The following RANBP2 variants were observed in gnomAD, a reference collection of about 807,000 sequenced individuals.
The protein encoded by RANBP2 is E3 SUMO-protein ligase RanBP2.
Under a neutral mutation model 303.6 loss-of-function variants are expected in RANBP2, and 57 were observed. The observed-to-expected ratio is 0.19, with a 90% CI of 0.15 to 0.23. The LOEUF (loss-of-function observed/expected upper bound fraction) is 0.23, where lower values mean the gene tolerates loss of function less well. Ranked by LOEUF, RANBP2 falls within the 10% of genes least tolerant of loss-of-function variation. The pLI is 1.00. For synonymous variants in RANBP2, 1,167 were observed against 1,301.5 expected (o/e 0.90, Z 2.23); for missense variants, 3,138 against 3,780.8 (o/e 0.83, Z 4.46).
intron 26 of RANBP2, 78 bp downstream of exon 26, chr2:108,781,507 G>T (rs1411690193): frequency 1.4e-6 from 2 of 1,390,568 alleles, no homozygotes; most frequent in Non-Finnish European, 2.0e-6. Context: ...ATCTGTCAGG[G>T]TATAATTGTT....
At chr2:109,078,299 T>G in the RANBP2 span, among the ~76,000 whole-genome samples, 1 of 115,976 alleles carries the variant, frequency 8.6e-6, no homozygotes, top group African/African-American at 3.1e-5. Context: ...TATATATATA[T>G]AGCGTGTATA....
chr2:109,475,344 C>T, the RANBP2 span, among the ~76,000 whole-genome samples: 2 of 152,236 alleles, frequency 1.3e-5, no homozygotes, highest in Non-Finnish European at 2.9e-5. Context: ...CTTCATTTCT[C>T]CACCTCCTCA....
the RANBP2 span, among the ~76,000 whole-genome samples, chr2:108,887,797 G>A: frequency 3.3e-5 from 5 of 152,054 alleles, no homozygotes; most frequent in African/African-American, 9.6e-5. Flanking sequence ...TAGATACAAG[G>A]CCATAGCATC....
chr2:108,815,590 C>T, the RANBP2 span, among the ~76,000 whole-genome samples: 10 of 150,894 alleles, frequency 6.6e-5, no homozygotes, highest in African/African-American at 2.2e-4. Context: ...CTCAGCCTTC[C>T]GAGTAGCTGG....
the RANBP2 span, chr2:108,895,605 A>C: frequency 6.6e-6 from 1 of 152,220 alleles, no homozygotes; most frequent in African/African-American, 2.4e-5. Flanking sequence ...TCCATAGAGC[A>C]CCTCAAAGGC....
At chr2:109,530,622 G>C in the RANBP2 span, among the ~76,000 whole-genome samples, 3 of 152,244 alleles carry the variant, frequency 2.0e-5, no homozygotes, top group African/African-American at 7.2e-5. Context: ...GAAGAAACCA[G>C]CTGAGAGAGC....
the RANBP2 span, among the ~76,000 whole-genome samples, chr2:109,062,591 G>A: frequency 7.9e-3 from 1,203 of 152,224 alleles, 14 homozygotes; most frequent in African/African-American, 0.027. Context: ...TGTCCCCAAA[G>A]CCCCTATTCA....
the RANBP2 span, among the ~76,000 whole-genome samples, chr2:109,420,775 T>C: frequency 1.3e-5 from 2 of 152,096 alleles, no homozygotes; most frequent in African/African-American, 2.4e-5. Flanking sequence ...AAAAAAGTAT[T>C]TTGAAGAGCA....
the RANBP2 span, among the ~76,000 whole-genome samples, chr2:109,661,783 G>A: frequency 6.6e-6 from 1 of 152,168 alleles, no homozygotes; most frequent in Non-Finnish European, 1.5e-5. Flanking sequence ...AGGTAAACCT[G>A]TTCAAAGTCT....
the RANBP2 span, among the ~76,000 whole-genome samples, chr2:108,861,365 T>C: frequency 2.0e-5 from 3 of 152,100 alleles, no homozygotes; most frequent in Admixed American, 1.3e-4. Context: ...CAGCTAACTT[T>C]GGATTAATTT....
the RANBP2 span, chr2:109,564,582 G>C: frequency 2.1e-6 from 3 of 1,416,786 alleles, no homozygotes; most frequent in Middle Eastern, 1.9e-4. Context: ...TTTAATTCCT[G>C]GCACACAACT....
At chr2:109,542,830 G>T in the RANBP2 span, among the ~76,000 whole-genome samples, 428 of 152,294 alleles carry the variant, frequency 2.8e-3, 2 homozygotes, top group African/African-American at 9.6e-3. Context: ...TTACAACTTA[G>T]ATGACTCTAT....
chr2:108,936,218 T>C, the RANBP2 span, among the ~76,000 whole-genome samples: 1 of 152,250 alleles, frequency 6.6e-6, no homozygotes, highest in Non-Finnish European at 1.5e-5. Flanking sequence ...CAGGTGGCTG[T>C]GGGAAGCCTT....
chr2:108,735,199 T>G (rs1178705963), intron 4 of RANBP2, among the ~76,000 whole-genome samples: 1 of 152,142 alleles, frequency 6.6e-6, no homozygotes, highest in African/African-American at 2.4e-5. Context: ...AGTTTGAACA[T>G]AAGGACCTTG....
At chr2:109,686,579 C>G in the RANBP2 span, among the ~76,000 whole-genome samples, 2 of 152,200 alleles carry the variant, frequency 1.3e-5, no homozygotes, top group Non-Finnish European at 2.9e-5. Context: ...TCCCAACGTG[C>G]TGGGATTACA....
chr2:109,794,599 C>G, the RANBP2 span: 1 of 901,434 alleles, frequency 1.1e-6, no homozygotes, highest in Non-Finnish European at 1.3e-6. Context: ...GCGGCGGCGG[C>G]GGCGGCGGCG....
At chr2:108,885,809 A>G in the RANBP2 span, among the ~76,000 whole-genome samples, 2 of 152,034 alleles carry the variant, frequency 1.3e-5, no homozygotes, top group African/African-American at 4.8e-5. Flanking sequence ...TTCCCTCTCT[A>G]CCACTATGTG....
At chr2:109,334,444 T>C in the RANBP2 span, among the ~76,000 whole-genome samples, 2 of 150,632 alleles carry the variant, frequency 1.3e-5, no homozygotes, top group Non-Finnish European at 2.9e-5. Flanking sequence ...GCCTTGTGGG[T>C]GTCTTGGCTT....
At chr2:109,480,424 C>T in the RANBP2 span, among the ~76,000 whole-genome samples, 10 of 152,236 alleles carry the variant, frequency 6.6e-5, no homozygotes, top group Middle Eastern at 3.4e-3. Flanking sequence ...CTAAGATGGC[C>T]ATGAGGCTGA....
Sources: gnomAD v4.1 joint callset for allele counts (sites outside exome capture counted in the v4.1 genomes callset) on GRCh38, gnomAD v4.1.1 for gene constraint, MANE v1.5 for transcripts, NCBI Gene and HGNC (gene_info 2026-07-23, HGNC 2026-07-21) for gene names.